Variants in PCM1 observed in about 807,000 individuals in gnomAD.
PCM1 encodes the protein pericentriolar material 1, also known as pericentriolar material 1 protein.
A neutral mutation model predicts 241.9 loss-of-function variants in PCM1; 157 were observed. The observed-to-expected ratio is 0.65, with a 90% CI of 0.57 to 0.74. The LOEUF is 0.74. Ranked by LOEUF, PCM1 falls within the 30% of genes least tolerant of loss-of-function variation. PCM1 has a pLI of 0.00. For synonymous variants in PCM1, 1,085 were observed against 784.9 expected (o/e 1.38, Z -6.39); for missense variants, 3,478 against 2,360.1 (o/e 1.47, Z -9.81).
At chr8:17,981,623 G>GT (rs1160761986) in intron 24 of PCM1, among the ~76,000 whole-genome samples, 1 of 151,988 alleles carries the variant, frequency 6.6e-6, no homozygotes, top group Non-Finnish European at 1.5e-5. Flanking sequence ...AAATGCATGC[G>GT]TTTTTTGTTT....
chr8:18,014,288 T>TTAGATACAAATAATGG (rs2092897455), intron 35 of PCM1, among the ~76,000 whole-genome samples: 1 of 152,046 alleles, frequency 6.6e-6, no homozygotes, highest in Non-Finnish European at 1.5e-5. Context: ...CATCGCATCT[T>TTAGATACAAATAATGG]TAGATACAAA....
intron 36 of PCM1, among the ~76,000 whole-genome samples, chr8:18,018,597 G>A (rs1019195521): frequency 1.2e-4 from 18 of 151,856 alleles, no homozygotes; most frequent in African/African-American, 4.4e-4. Context: ...CGGATCAGGA[G>A]GTCAAGAGAT....
At position 17,948,452 on chromosome 8, in the gene PCM1, G is replaced by C. The variant is rs371105442; in HGVS notation, c.961+1089G>C. On this transcript the variant is annotated intron_variant, in intron 7 of 38. Transcript: ENST00000325083. ...CCTGAGTAGCTGGGATTACAGGTGC[G>C]CACCACCATGCCTGGCTAATTTTTG... Among the ~76,000 whole-genome samples the C allele has an allele frequency of 4.6e-5, 7 of 151,584 alleles. No homozygotes were observed. In the East Asian group the frequency reaches 9.7e-4, roughly 21 times the overall value.
At position 17,953,099 on chromosome 8, in the gene PCM1, A is replaced by C; in HGVS notation, c.1201A>C (p.Arg401=). ...DEKVELFSKM[R]VLQEKKQKMD... ...GAAAGTCGAACTTTTTAGCAAAATGAGAGTGCTACAGGAAAAGAAACAAAA... is the reference window on the plus strand; with the variant it reads ...GAAAGTCGAACTTTTTAGCAAAATGCGAGTGCTACAGGAAAAGAAACAAAA... The change falls in exon 9 of 39, where the codon AGA becomes CGA. Residue 401 remains arginine (R), a synonymous_variant. Transcript: ENST00000325083. The C allele has an allele frequency of 6.2e-7, 1 of 1,601,116 alleles. No individual in the cohort carries two copies. The highest frequency in any genetic ancestry group is 1.1e-5 in the South Asian group (1 of 88,806).
In PCM1 at chr8:17,939,063, C is replaced by T. The variant is rs2061270462; in HGVS notation, c.612+54C>T. ...CTTTACACAAACCTCAAAATACCAA[C>T]AGTAAGGTTTAGAAAATTAGGTTAC... On this transcript the variant is annotated intron_variant, in intron 5 of 38. Transcript: ENST00000325083. 5 of 1,576,316 alleles carry T rather than the reference C, an allele frequency of 3.2e-6. No homozygotes were observed. The African/African-American group carries it at 4.1e-5, about 13-fold the overall frequency.
chr8:18,008,050 A>G (rs923829686), intron 30 of PCM1, among the ~76,000 whole-genome samples: 1 of 152,248 alleles, frequency 6.6e-6, no homozygotes, highest in Non-Finnish European at 1.5e-5. Context: ...TTGGAGGGAT[A>G]GCTGCCTGGG....
At position 17,963,191 on chromosome 8, in the gene PCM1, A is replaced by G; in HGVS notation, c.2554A>G (p.Arg852Gly). 14 of 1,613,706 alleles carry G rather than the reference A, an allele frequency of 8.7e-6. No individual in the cohort carries two copies. Among genetic ancestry groups the G allele is most frequent in the Non-Finnish European group, 1.2e-5 (14 of 1,179,686 alleles). ...TGAAGCTCTGATGGCTGAACATCAG[A>G]GGAGGCAAGGTCTAGCTGAAACTGC... ...QLEALMAEHQ[R>G]RQGLAETASP... Residue 852 changes from arginine to glycine, a missense_variant, in exon 17 of 39, where the codon AGG becomes GGG. By Grantham distance (125) the Arg-to-Gly change is moderately radical. Transcript: ENST00000325083.
At position 17,995,959 on chromosome 8, in the gene PCM1, A is replaced by G. The variant is rs543566240; in HGVS notation, c.4827+2340A>G. Among the ~76,000 whole-genome samples, 3 of 152,264 alleles carry G rather than the reference A, an allele frequency of 2.0e-5. No homozygotes were observed. The East Asian group carries it at 5.8e-4, about 29-fold the overall frequency. On this transcript the variant is annotated intron_variant, in intron 29 of 38. Transcript: ENST00000325083. Reference sequence around the variant, plus strand: ...GTCTTTAGGCTTTTCCAAGTATAAGATTATATATATATCATATACAAACAA... The same window carrying G: ...GTCTTTAGGCTTTTCCAAGTATAAGGTTATATATATATCATATACAAACAA...
chr8:17,928,735 G>C (rs561629970), intron 2 of PCM1, among the ~76,000 whole-genome samples: 8 of 145,790 alleles, frequency 5.5e-5, no homozygotes, highest in Admixed American at 2.1e-4. Context: ...GGGTTCAAAC[G>C]ATTCTCCTGC....
Position 17,993,387 on chromosome 8 carries a change from T to C in PCM1, c.4691-96T>C, listed in dbSNP as rs1199644882. 1.5e-5 allele frequency: 12 copies of C among 803,150 alleles called. No homozygotes were observed. The Admixed American group carries it at 4.4e-4, about 29-fold the overall frequency. 49.8% of individuals were successfully genotyped at this position (803,150 alleles called of 1,614,324 possible). A position where few individuals can be genotyped will look rare whatever the true frequency, so the allele number is the denominator to read the frequency against. On this transcript the variant is annotated intron_variant, in intron 28 of 38. Transcript: ENST00000325083. ...TTCTTTGTATTATGTTAGCATAAAA[T>C]CATCAAATTTAATATTTTTCAAATT... is the stretch of plus-strand genomic sequence containing the variant.
intron 29 of PCM1, among the ~76,000 whole-genome samples, chr8:18,003,870 G>C (rs1053910063): frequency 6.6e-6 from 1 of 151,936 alleles, no homozygotes; most frequent in Non-Finnish European, 1.5e-5. Flanking sequence ...AAGTGAATTG[G>C]TTTAAATTTT....
intron 6 of PCM1, among the ~76,000 whole-genome samples, chr8:17,942,313 A>G (rs1308263825): frequency 6.6e-6 from 1 of 152,258 alleles, no homozygotes; most frequent in South Asian, 2.1e-4. Context: ...CTAAAAATAC[A>G]AAAATTAGCT....
rs1229731795 is a variant in PCM1 at position 18,028,887 on chromosome 8, C to A, written c.*1225C>A. On this transcript the variant is annotated 3_prime_UTR_variant, in exon 39 of 39. Coordinates refer to ENST00000325083, the MANE Select transcript of PCM1 (RefSeq NM_006197.4). ...TACTTGCTGCCCAGGCACCATGGCT[C>A]ACTCCTGTAATCCCAGCACCTTGGG... is the stretch of plus-strand genomic sequence containing the variant. 5.5e-6 allele frequency: 1 copy of A among 183,008 alleles called. No individual in the cohort carries two copies. The highest frequency in any genetic ancestry group is 2.4e-5 in the African/African-American group (1 of 42,544). The allele number at this position is 183,008 out of a possible 1,614,324, so 11.3% of individuals were successfully genotyped here.
intron 24 of PCM1, among the ~76,000 whole-genome samples, chr8:17,985,208 G>C (rs142361431): frequency 6.6e-6 from 1 of 151,630 alleles, no homozygotes; most frequent in South Asian, 2.1e-4. Flanking sequence ...TCTTAGTAAT[G>C]CTAGGTAATG....
intron 30 of PCM1, among the ~76,000 whole-genome samples, chr8:18,007,289 C>CT (rs1437941882): frequency 1.3e-5 from 2 of 152,106 alleles, no homozygotes; most frequent in African/African-American, 4.8e-5. Context: ...TCACTATTAA[C>CT]TTTTTTTAAA....
intron 4 of PCM1, among the ~76,000 whole-genome samples, 164 bp downstream of exon 4, chr8:17,937,543 C>G (rs1797225448): frequency 1.3e-5 from 2 of 152,248 alleles, no homozygotes; most frequent in Admixed American, 6.5e-5. Context: ...GTCCTGTCTT[C>G]TTTAGAAGGA....
At position 18,011,716 on chromosome 8, in the gene PCM1, AGATGAAAATGAG is replaced by A. The variant is rs1488332318; in HGVS notation, c.5407_5418del (p.Asn1803_Glu1806del). 6.2e-7 allele frequency: 1 copy of A among 1,613,176 alleles called. No homozygotes were observed. Among genetic ancestry groups the A allele is most frequent in the Non-Finnish European group, 8.5e-7 (1 of 1,179,420 alleles). Reference sequence around the variant, plus strand: ...CTTTAACTAATTATGGAAGTGGAGAAGATGAAAATGAGGATGAAGAAATGGAAGAATTTGAAG... The same window carrying A: ...CTTTAACTAATTATGGAAGTGGAGAAGATGAAGAAATGGAAGAATTTGAAG... On this transcript the variant is annotated inframe_deletion, in exon 34 of 39. Transcript: ENST00000325083.
In PCM1 at chr8:17,948,057, A is replaced by G. The variant is rs138240319; in HGVS notation, c.961+694A>G. ...AAAGATGATTAGTTATTAAAAGTCA[A>G]CAAAACTAAGTTATGTTTTCTAATA... is the stretch of plus-strand genomic sequence containing the variant. On this transcript the variant is annotated intron_variant, in intron 7 of 38. Transcript: ENST00000325083. 5.4e-3 allele frequency among the ~76,000 whole-genome samples: 822 copies of G among 152,268 alleles called. 8 individuals are homozygous for G. Among genetic ancestry groups the G allele is most frequent in the African/African-American group, 0.018 (763 of 41,550 alleles).
At chr8:18,004,264 A>T (rs1170051658) in intron 29 of PCM1, among the ~76,000 whole-genome samples, 1 of 152,214 alleles carries the variant, frequency 6.6e-6, no homozygotes, top group Non-Finnish European at 1.5e-5. Flanking sequence ...TCTTGAATTT[A>T]AAAGAATTAC....
Sources: allele counts gnomAD v4.1 joint callset (sites outside exome capture counted in the v4.1 genomes callset), GRCh38; gene constraint gnomAD v4.1.1; transcripts MANE v1.5; gene names NCBI Gene and HGNC (gene_info 2026-07-23, HGNC 2026-07-21).